Variants in SLC4A10 observed in about 807,000 individuals in gnomAD.
SLC4A10 encodes the protein solute carrier family 4 member 10.
Under a neutral mutation model 137.7 loss-of-function variants are expected in SLC4A10, and 42 were observed. That is an observed-to-expected ratio of 0.30 (90% CI 0.24 to 0.39). SLC4A10 has a LOEUF of 0.39. SLC4A10 is among the 10% of genes least tolerant of loss of function. SLC4A10 has a pLI of 1.00. For synonymous variants in SLC4A10, 474 were observed against 464.1 expected (o/e 1.02, Z -0.27); for missense variants, 925 against 1,355.0 (o/e 0.68, Z 4.98).
intron 10 of SLC4A10, among the ~76,000 whole-genome samples, chr2:161,893,713 C>A (rs1034642347): frequency 2.0e-5 from 3 of 151,082 alleles, no homozygotes; most frequent in African/African-American, 7.3e-5. Flanking sequence ...AAACAAAAAT[C>A]AAAAATATTC....
rs180826913 is a variant in SLC4A10, at chr2:161,815,688, T to G, written c.277+11093T>G. On this transcript the variant is annotated intron_variant, in intron 3 of 26. Transcript: ENST00000446997. ...GGCTTCAACCTCAAGGATTTTTATT[T>G]AATTAATCTTGGGTGTTTCCCTAGG... is the stretch of plus-strand genomic sequence containing the variant. Among the ~76,000 whole-genome samples, 132 of 152,298 alleles carry G rather than the reference T, an allele frequency of 8.7e-4. 1 individual carries two copies. In the Middle Eastern group the frequency reaches 0.017, roughly 20 times the overall value.
At chr2:161,651,009 G>T (rs1183966784) in intron 1 of SLC4A10, 2 of 152,390 alleles carry the variant, frequency 1.3e-5, no homozygotes, top group Non-Finnish European at 2.9e-5. Flanking sequence ...AGTGGAGTCT[G>T]CCACCTGGAG....
intron 1 of SLC4A10, among the ~76,000 whole-genome samples, chr2:161,626,829 A>T (rs1558890918): frequency 6.6e-6 from 1 of 152,126 alleles, no homozygotes; most frequent in East Asian, 1.9e-4. Flanking sequence ...TTACATTCTT[A>T]ACCAAGCTTA....
chr2:161,662,384 G>C (rs1013864994), intron 1 of SLC4A10, among the ~76,000 whole-genome samples: 1 of 152,028 alleles, frequency 6.6e-6, no homozygotes, highest in African/African-American at 2.4e-5. Context: ...TCTCTAAGGA[G>C]ATGCAGGATT....
intron 15 of SLC4A10, among the ~76,000 whole-genome samples, chr2:161,922,383 C>T (rs1039830588): frequency 6.6e-6 from 1 of 152,050 alleles, no homozygotes; most frequent in Non-Finnish European, 1.5e-5. Context: ...AAGCAAACCT[C>T]TTCAAATAAT....
chr2:161,668,135 C>T (rs1318954195), intron 1 of SLC4A10, among the ~76,000 whole-genome samples: 1 of 151,782 alleles, frequency 6.6e-6, no homozygotes, highest in Non-Finnish European at 1.5e-5. Flanking sequence ...AAACTTTGAA[C>T]TACTCCACTG....
chr2:161,982,656 A>G (rs1376466135), intron 26 of SLC4A10, among the ~76,000 whole-genome samples: 1 of 152,184 alleles, frequency 6.6e-6, no homozygotes, highest in South Asian at 2.1e-4. Context: ...AGCAGCGTGC[A>G]TGGTAACCTG....
At chr2:161,637,505 T>A (rs576210855) in intron 1 of SLC4A10, among the ~76,000 whole-genome samples, 1 of 152,228 alleles carries the variant, frequency 6.6e-6, no homozygotes, top group Non-Finnish European at 1.5e-5. Context: ...CCGGCCTATC[T>A]GGCTTACATT....
intron 16 of SLC4A10, among the ~76,000 whole-genome samples, chr2:161,947,131 T>A (rs4368346): frequency 0.81 from 122,896 of 152,040 alleles, 49,852 homozygotes; most frequent in East Asian, 0.97. Context: ...CATGGAATAT[T>A]AATAATAGCA....
intron 3 of SLC4A10, among the ~76,000 whole-genome samples, chr2:161,823,731 T>C (rs542689276): frequency 6.6e-6 from 1 of 152,374 alleles, no homozygotes; most frequent in East Asian, 1.9e-4. Context: ...GTGTATTTTC[T>C]TTCATTTATG....
At chr2:161,677,654 T>C (rs1452609062) in intron 1 of SLC4A10, among the ~76,000 whole-genome samples, 1 of 152,208 alleles carries the variant, frequency 6.6e-6, no homozygotes, top group African/African-American at 2.4e-5. Context: ...GCACTTATTA[T>C]GCACAAGTCT....
intron 1 of SLC4A10, among the ~76,000 whole-genome samples, chr2:161,636,483 C>T (rs950992564): frequency 6.6e-6 from 1 of 152,114 alleles, no homozygotes; most frequent in African/African-American, 2.4e-5. Context: ...CAACCTCCAA[C>T]TCCTGGGTTT....
intron 2 of SLC4A10, among the ~76,000 whole-genome samples, chr2:161,777,591 A>G (rs980354078): frequency 3.9e-5 from 6 of 152,126 alleles, no homozygotes; most frequent in South Asian, 2.1e-4. Flanking sequence ...GAAGGCAAGA[A>G]GGAGCAAGTC....
At chr2:161,833,014 G>A (rs2058537973) in intron 3 of SLC4A10, among the ~76,000 whole-genome samples, 1 of 152,172 alleles carries the variant, frequency 6.6e-6, no homozygotes, top group African/African-American at 2.4e-5. Flanking sequence ...TGCAGTGTTG[G>A]GATTACAGGC....
At chr2:161,916,460 G>A (rs568549462) in intron 15 of SLC4A10, among the ~76,000 whole-genome samples, 24 of 151,990 alleles carry the variant, frequency 1.6e-4, no homozygotes, top group South Asian at 4.1e-4. Flanking sequence ...AATTTTATGC[G>A]TACTCTTCCA....
At chr2:161,735,062 CTG>C (rs2047205254) in intron 1 of SLC4A10, among the ~76,000 whole-genome samples, 1 of 151,794 alleles carries the variant, frequency 6.6e-6, no homozygotes, top group South Asian at 2.1e-4. Context: ...CCATGAGAAA[CTG>C]TGAGTCAATT....
At position 161,669,167 on chromosome 2, in the gene SLC4A10, G is replaced by C. The variant is rs184725503; in HGVS notation, c.48+44601G>C. Reference sequence around the variant, plus strand: ...TATCAGATGAAACAATTTATTTTTAGCCCACTAGTTTGACTGTCTTTTATT... The same window carrying C: ...TATCAGATGAAACAATTTATTTTTACCCCACTAGTTTGACTGTCTTTTATT... On this transcript the variant is annotated intron_variant, in intron 1 of 26. Coordinates refer to ENST00000446997, the MANE Select transcript of SLC4A10 (RefSeq NM_001178015.2). 5.9e-5 allele frequency among the ~76,000 whole-genome samples: 9 copies of C among 151,836 alleles called. No homozygotes were observed. The East Asian group carries it at 1.7e-3, about 29-fold the overall frequency.
At chr2:161,746,956 T>C (rs1025559604) in intron 1 of SLC4A10, among the ~76,000 whole-genome samples, 16 of 152,122 alleles carry the variant, frequency 1.1e-4, no homozygotes, top group Non-Finnish European at 1.5e-5. Context: ...GGTATCGCAG[T>C]TGCAAGCCGA....
chr2:161,727,802 G>A (rs2046389091), intron 1 of SLC4A10, among the ~76,000 whole-genome samples: 1 of 152,064 alleles, frequency 6.6e-6, no homozygotes. Flanking sequence ...GTTCCAGAAA[G>A]AGAAAACAGA....
Sources: gnomAD v4.1 joint callset for allele counts (sites outside exome capture counted in the v4.1 genomes callset) on GRCh38, gnomAD v4.1.1 for gene constraint, MANE v1.5 for transcripts, NCBI Gene and HGNC (gene_info 2026-07-23, HGNC 2026-07-21) for gene names.